MAP4K5: variants seen among roughly 807,000 people sequenced by gnomAD.
MAP4K5 encodes MAPK/ERK kinase kinase kinase 5.
A neutral mutation model predicts 135.6 loss-of-function variants in MAP4K5; 82 were observed. The observed-to-expected ratio is 0.60, with a 90% CI of 0.51 to 0.73. The LOEUF (loss-of-function observed/expected upper bound fraction) is 0.73. Among genes scored for constraint, MAP4K5 ranks in the 30% least tolerant of loss-of-function variants. The pLI is 0.00. For synonymous variants in MAP4K5, 347 were observed against 335.0 expected (o/e 1.04, Z -0.39); for missense variants, 907 against 1,010.9 (o/e 0.90, Z 1.39).
intron 3 of MAP4K5, among the ~76,000 whole-genome samples, chr14:50,496,903 T>A (rs78420984): frequency 0.015 from 2,327 of 152,252 alleles, 37 homozygotes; most frequent in East Asian, 0.069. Context: ...AATTTGTATA[T>A]CATTTAGAGC....
At chr14:50,524,063 C>G (rs2038208169) in intron 2 of MAP4K5, among the ~76,000 whole-genome samples, 1 of 152,208 alleles carries the variant, frequency 6.6e-6, no homozygotes, top group Non-Finnish European at 1.5e-5. Flanking sequence ...TTTCTGAATT[C>G]TCAATTCCTC....
At chr14:50,531,764 A>C (rs117607478) in intron 2 of MAP4K5, among the ~76,000 whole-genome samples, 178 bp downstream of exon 2, 465 of 152,302 alleles carry the variant, frequency 3.1e-3, no homozygotes, top group Non-Finnish European at 4.6e-3. Context: ...GTTGGTAGCG[A>C]TTAGAACAAG....
chr14:50,506,972 T>C lies in MAP4K5; in HGVS notation c.109-2115A>G, dbSNP rs1038295741. Among the ~76,000 whole-genome samples, 4 of 152,180 alleles carry C rather than the reference T, an allele frequency of 2.6e-5. No individual in the cohort carries two copies. In the East Asian group the frequency reaches 5.8e-4, roughly 22 times the overall value. On this transcript the variant is annotated intron_variant, in intron 2 of 32. Transcript: ENST00000682126. The stretch of plus-strand genomic sequence containing the variant: ...TGGGTCATAAAAGGCTATGTGCACG[T>C]AGATTTAGCCTGTCCACCTCTCAGC...
intron 2 of MAP4K5, among the ~76,000 whole-genome samples, chr14:50,506,521 G>A (rs1343261482): frequency 6.6e-6 from 1 of 152,060 alleles, no homozygotes; most frequent in East Asian, 1.9e-4. Context: ...ACTACACTCA[G>A]CTAACTGTTG....
rs2036778446 is a variant in MAP4K5, at chr14:50,464,135, TTAAAA to T, written c.738-7_738-3del. The T allele has an allele frequency of 2.0e-6, 3 of 1,467,038 alleles. No individual in the cohort carries two copies. In the African/African-American group the frequency reaches 4.2e-5, roughly 21 times the overall value. 90.9% of individuals were successfully genotyped at this position (1,467,038 alleles called of 1,614,324 possible). A position where few individuals can be genotyped will look rare whatever the true frequency, so the allele number is the denominator to read the frequency against. ...ACAAAATTATGGAATGTTGATGACC[TTAAAA>T]TAAAAAGAGACGTACAAAAATATTT... On this transcript the variant is annotated splice_region_variant and splice_polypyrimidine_tract_variant and intron_variant, in intron 11 of 32. Transcript: ENST00000682126.
chr14:50,534,012 A>G (rs1166687516), upstream of MAP4K5, among the ~76,000 whole-genome samples: 2 of 152,178 alleles, frequency 1.3e-5, no homozygotes, highest in Non-Finnish European at 2.9e-5. Context: ...TCTTTCAAAG[A>G]TTCTTGGCAC....
intron 1 of MAP4K5, among the ~76,000 whole-genome samples, chr14:50,544,003 A>G (rs900178172): frequency 6.6e-6 from 1 of 152,214 alleles, no homozygotes; most frequent in African/African-American, 2.4e-5. Context: ...GGGTCATTGT[A>G]CTGGTTGGGG....
At chr14:50,551,413 C>A (rs2038701136) in intron 1 of MAP4K5, among the ~76,000 whole-genome samples, 1 of 151,964 alleles carries the variant, frequency 6.6e-6, no homozygotes, top group African/African-American at 2.4e-5. Flanking sequence ...ATTTCAGGAT[C>A]AGATGGAGTC....
intron 13 of MAP4K5, among the ~76,000 whole-genome samples, chr14:50,459,146 C>T (rs935923731): frequency 6.6e-6 from 1 of 152,158 alleles, no homozygotes; most frequent in Non-Finnish European, 1.5e-5. Context: ...ACTTTTCTCT[C>T]CAAGCTACAA....
intron 26 of MAP4K5, among the ~76,000 whole-genome samples, chr14:50,436,210 T>C (rs2095658434): frequency 6.6e-6 from 1 of 152,166 alleles, no homozygotes; most frequent in African/African-American, 2.4e-5. Flanking sequence ...ATCAGTATTA[T>C]GGAGTTGTTT....
At chr14:50,474,006 G>A (rs187547358) in intron 9 of MAP4K5, among the ~76,000 whole-genome samples, 4 of 152,262 alleles carry the variant, frequency 2.6e-5, no homozygotes, top group Admixed American at 2.0e-4. Flanking sequence ...TTACAGGTGT[G>A]AACTTGACTA....
intron 6 of MAP4K5, among the ~76,000 whole-genome samples, chr14:50,481,404 T>C (rs756458641): frequency 5.3e-5 from 8 of 151,710 alleles, no homozygotes; most frequent in South Asian, 2.1e-4. Flanking sequence ...CTCTTCAAAA[T>C]TGACTAGAAC....
intron 5 of MAP4K5, among the ~76,000 whole-genome samples, chr14:50,484,337 T>C (rs1046106340): frequency 5.9e-5 from 9 of 152,206 alleles, no homozygotes; most frequent in African/African-American, 2.2e-4. Context: ...TTATTTGTTG[T>C]GACAAAATTA....
intron 1 of MAP4K5, chr14:50,559,799 A>G (rs1595579150): frequency 6.2e-6 from 1 of 161,866 alleles, no homozygotes; most frequent in Non-Finnish European, 1.4e-5. Context: ...TACTTTGGCT[A>G]TATAAATGTT....
At position 50,446,105 on chromosome 14, in the gene MAP4K5, C is replaced by A; in HGVS notation, c.1159G>T (p.Ala387Ser). 2 of 1,573,390 alleles carry A rather than the reference C, an allele frequency of 1.3e-6. No individual in the cohort carries two copies. The highest frequency in any genetic ancestry group is 1.7e-6 in the Non-Finnish European group (2 of 1,162,898). Residue 387 changes from alanine (A) to serine (S), a missense_variant, in exon 17 of 33, where the codon GCA becomes TCA. Physicochemically the swap from Ala to Ser is moderately conservative, Grantham distance 99. Around this residue, in one of 3 missense-constraint regions of MAP4K5, gnomAD observed 690 missense variants for 777.4 expected, o/e 0.89. Coordinates refer to ENST00000682126, the MANE Select transcript of MAP4K5 (RefSeq NM_006575.6). ...TTAGGAGGTAGGGGAGGTGGTATTG[C>A]ACGTTTTGAGGTTGATCTAATACAA... is the stretch of plus-strand genomic sequence containing the variant. The part of the protein sequence containing the change: ...ANTGKSTSKR[A>S]IPPPLPPKPR...
intron 1 of MAP4K5, among the ~76,000 whole-genome samples, chr14:50,554,480 G>A (rs955799226): frequency 6.6e-6 from 1 of 152,198 alleles, no homozygotes; most frequent in Admixed American, 6.5e-5. Flanking sequence ...AATATAAAGA[G>A]CTGGGGAATG....
intron 2 of MAP4K5, among the ~76,000 whole-genome samples, chr14:50,523,308 T>C (rs1423548409): frequency 6.6e-6 from 1 of 151,474 alleles, no homozygotes; most frequent in East Asian, 1.9e-4. Context: ...CGAAACTCTG[T>C]CTCAAAAAAA....
chr14:50,457,004 C>T (rs1204622041), intron 13 of MAP4K5, among the ~76,000 whole-genome samples: 1 of 152,072 alleles, frequency 6.6e-6, no homozygotes, highest in Non-Finnish European at 1.5e-5. Context: ...TCTGAAGTAC[C>T]AGTATGTACT....
chr14:50,469,540 T>C lies in MAP4K5; in HGVS notation c.543-758A>G, dbSNP rs1334134427. ...TGAGGTCAAACAATCTAAAACTGCA[T>C]GGCAAGATGAAGGATAGTGTGAAAT... On this transcript the variant is annotated intron_variant, in intron 9 of 32. Transcript: ENST00000682126. Among the ~76,000 whole-genome samples, 4 of 152,106 alleles carry C rather than the reference T, an allele frequency of 2.6e-5. No individual in the cohort carries two copies. The South Asian group carries it at 6.2e-4, about 24-fold the overall frequency.
Sources: allele counts gnomAD v4.1 joint callset (sites outside exome capture counted in the v4.1 genomes callset), GRCh38; gene constraint gnomAD v4.1.1; regional missense constraint gnomAD v4.1.1; transcripts MANE v1.5; gene names NCBI Gene and HGNC (gene_info 2026-07-23, HGNC 2026-07-21).